DAB1: variants seen among roughly 807,000 people sequenced by gnomAD.
DAB1 encodes disabled homolog 1.
Under a neutral mutation model 64.6 loss-of-function variants are expected in DAB1, and 15 were observed. The observed-to-expected ratio is 0.23, with a 90% CI of 0.16 to 0.36. The LOEUF is 0.36. Among genes scored for constraint, DAB1 ranks in the 10% least tolerant of loss-of-function variants. The pLI is 1.00. For missense variants in DAB1, 596 were observed against 706.7 expected (o/e 0.84, Z 1.78); for synonymous variants, 235 against 251.9 (o/e 0.93, Z 0.64).
chr1:58,165,419 T>A (rs986182635), intron 4 of DAB1, among the ~76,000 whole-genome samples: 1 of 152,122 alleles, frequency 6.6e-6, no homozygotes, highest in Non-Finnish European at 1.5e-5. Context: ...TCTCTGTACA[T>A]CCTTTTATCA....
intron 6 of DAB1, among the ~76,000 whole-genome samples, chr1:57,796,977 T>A (rs997362644): frequency 2.0e-5 from 3 of 152,194 alleles, no homozygotes; most frequent in Non-Finnish European, 4.4e-5. Context: ...CTTCTGTGTC[T>A]CTCTGCTTCA....
rs369595425 is a variant in DAB1, at chr1:57,098,875, A to C, written c.307-26461T>G. On this transcript the variant is annotated intron_variant, in intron 4 of 14. Coordinates refer to ENST00000371236, the MANE Select transcript of DAB1 (RefSeq NM_001365792.1). Reference sequence around the variant, plus strand: ...AGGACACATTCTAACTCTACCTTATAGATAGTTTACATAGTAAGATTGCCT... The same window carrying C: ...AGGACACATTCTAACTCTACCTTATCGATAGTTTACATAGTAAGATTGCCT... Among the ~76,000 whole-genome samples the C allele has an allele frequency of 4.6e-5, 7 of 152,340 alleles. No homozygotes were observed. In the East Asian group the frequency reaches 1.4e-3, roughly 29 times the overall value.
intron 1 of DAB1, among the ~76,000 whole-genome samples, chr1:57,315,223 G>A (rs1675091300): frequency 6.6e-6 from 1 of 152,102 alleles, no homozygotes; most frequent in South Asian, 2.1e-4. Context: ...TTGCCTCCTT[G>A]TGTCCTCATA....
intron 3 of DAB1, among the ~76,000 whole-genome samples, chr1:58,425,221 T>C (rs1644811036): frequency 6.6e-6 from 1 of 152,226 alleles, no homozygotes. Context: ...AGAGCCTCTT[T>C]CATTCTTTTT....
intron 6 of DAB1, among the ~76,000 whole-genome samples, chr1:57,655,324 C>T (rs1008863143): frequency 2.0e-5 from 3 of 151,918 alleles, no homozygotes; most frequent in Non-Finnish European, 4.4e-5. Flanking sequence ...TATTCATTCT[C>T]CACCCTACAT....
At chr1:57,153,701 A>C (rs1345729828) in intron 2 of DAB1, among the ~76,000 whole-genome samples, 3 of 151,804 alleles carry the variant, frequency 2.0e-5, no homozygotes, top group Non-Finnish European at 4.4e-5. Context: ...GCAGTGGCGC[A>C]ATCTCGGCTC....
At chr1:57,466,436 T>C (rs1215675153) in intron 7 of DAB1, among the ~76,000 whole-genome samples, 1 of 152,212 alleles carries the variant, frequency 6.6e-6, no homozygotes, top group Non-Finnish European at 1.5e-5. Context: ...TGTTCTGCTA[T>C]TAAGTGTGAG....
chr1:58,034,730 T>A (rs558103853), intron 5 of DAB1, among the ~76,000 whole-genome samples: 1 of 152,210 alleles, frequency 6.6e-6, no homozygotes, highest in Non-Finnish European at 1.5e-5. Context: ...TTACTCTGTC[T>A]CACTGATCTG....
chr1:57,497,213 C>T (rs879284156), intron 7 of DAB1, among the ~76,000 whole-genome samples: 7 of 152,176 alleles, frequency 4.6e-5, no homozygotes, highest in Non-Finnish European at 7.3e-5. Context: ...AATCCCCTTG[C>T]TCTACTATTT....
rs576323225 is a variant in DAB1, at chr1:57,703,875, T to C, written n.552-54210A>G. On this transcript the variant is annotated intron_variant and non_coding_transcript_variant, in intron 6 of 20. Transcript: ENST00000485760. ...CAGCCATAAGAAAAGAATGAGATCA[T>C]GTCCTTTGCAGGGAGACGGATGGAA... is the stretch of plus-strand genomic sequence containing the variant. Among the ~76,000 whole-genome samples the C allele has an allele frequency of 1.4e-4, 21 of 152,284 alleles. 1 individual carries two copies. The South Asian group carries it at 4.2e-3, about 30-fold the overall frequency.
chr1:57,810,968 C>T (rs1651590066), intron 6 of DAB1, among the ~76,000 whole-genome samples: 1 of 152,216 alleles, frequency 6.6e-6, no homozygotes, highest in African/African-American at 2.4e-5. Flanking sequence ...TTTGCCTCTT[C>T]CGGCTTCTAG....
chr1:58,277,234 T>A (rs1311114185), intron 4 of DAB1, among the ~76,000 whole-genome samples: 2 of 151,920 alleles, frequency 1.3e-5, no homozygotes, highest in Non-Finnish European at 2.9e-5. Context: ...GAGACGGGGT[T>A]TCACCATGTT....
chr1:58,274,583 T>A (rs1661386613), intron 4 of DAB1, among the ~76,000 whole-genome samples: 1 of 147,584 alleles, frequency 6.8e-6, no homozygotes, highest in African/African-American at 2.5e-5. Context: ...GCCTGGGCAA[T>A]GGCGGGCGCC....
intron 2 of DAB1, among the ~76,000 whole-genome samples, chr1:58,508,428 C>T (rs1188223791): frequency 6.6e-6 from 1 of 152,138 alleles, no homozygotes; most frequent in Non-Finnish European, 1.5e-5. Flanking sequence ...TGTGAGAAAT[C>T]CTGAAACTAG....
At chr1:57,407,322 G>A (rs185630305) in intron 1 of DAB1, among the ~76,000 whole-genome samples, 72 of 152,196 alleles carry the variant, frequency 4.7e-4, no homozygotes, top group Middle Eastern at 3.4e-3. Context: ...ACAGGATGGC[G>A]TTAGTTCAAG....
intron 4 of DAB1, among the ~76,000 whole-genome samples, chr1:57,112,053 A>G (rs568752425): frequency 6.6e-6 from 1 of 152,342 alleles, no homozygotes; most frequent in Non-Finnish European, 1.5e-5. Context: ...AAAAGTATCT[A>G]ACACATAAAA....
chr1:57,514,890 A>G (rs947597268), intron 7 of DAB1, among the ~76,000 whole-genome samples: 11 of 152,160 alleles, frequency 7.2e-5, no homozygotes, highest in Non-Finnish European at 1.2e-4. Flanking sequence ...GTGTTGTTCT[A>G]AGGATTAATG....
Position 58,053,464 on chromosome 1 carries a change from C to A in DAB1, n.387+97047G>T, listed in dbSNP as rs76628694. 3.9e-3 allele frequency among the ~76,000 whole-genome samples: 588 copies of A among 152,174 alleles called. 2 individuals carry two copies. Among genetic ancestry groups the A allele is most frequent in the African/African-American group, 0.013 (556 of 41,508 alleles). On this transcript the variant is annotated intron_variant and non_coding_transcript_variant, in intron 5 of 20. Transcript: ENST00000485760. Reference sequence around the variant, plus strand: ...AGCCTCTTTTTCAACAACCAACTCTCGAAGGAACTTTAGAGAAAACCTCAC... The same window carrying A: ...AGCCTCTTTTTCAACAACCAACTCTAGAAGGAACTTTAGAGAAAACCTCAC...
intron 5 of DAB1, among the ~76,000 whole-genome samples, chr1:57,988,898 T>C (rs749954849): frequency 6.6e-6 from 1 of 152,170 alleles, no homozygotes; most frequent in Non-Finnish European, 1.5e-5. Context: ...AAAGCATACC[T>C]AGATCCTAGG....
Sources: gnomAD v4.1 joint callset for allele counts (sites outside exome capture counted in the v4.1 genomes callset) on GRCh38, gnomAD v4.1.1 for gene constraint, MANE v1.5 for transcripts, NCBI Gene and HGNC (gene_info 2026-07-23, HGNC 2026-07-21) for gene names.